Variants in LOC400499 observed in about 807,000 individuals in gnomAD.
the LOC400499 span, chr16:11,472,124 C>A: frequency 1.4e-5 from 4 of 280,624 alleles, 1 homozygote; most frequent in South Asian, 1.7e-4. Context: ...CCAAATATTT[C>A]TGCACATATT....
chr16:11,479,344 T>G, the LOC400499 span, among the ~76,000 whole-genome samples: 3 of 152,092 alleles, frequency 2.0e-5, no homozygotes, highest in Non-Finnish European at 1.5e-5. Context: ...CTTGGAAAGG[T>G]AGCTCATGCC....
At chr16:11,509,554 G>C in the LOC400499 span, among the ~76,000 whole-genome samples, 1 of 151,794 alleles carries the variant, frequency 6.6e-6, no homozygotes, top group Non-Finnish European at 1.5e-5. Flanking sequence ...CTCTGTGCCT[G>C]GCACAGAGGC....
At chr16:11,467,730 G>A in the LOC400499 span, among the ~76,000 whole-genome samples, 2 of 152,180 alleles carry the variant, frequency 1.3e-5, no homozygotes, top group Non-Finnish European at 2.9e-5. Flanking sequence ...TCACCTGATA[G>A]ACAAAATAAA....
chr16:11,470,711 G>C, the LOC400499 span: 1 of 152,450 alleles, frequency 6.6e-6, no homozygotes, highest in Non-Finnish European at 1.5e-5. Context: ...AGGAACACCA[G>C]ACACGAGAAC....
the LOC400499 span, among the ~76,000 whole-genome samples, chr16:11,383,215 G>A: frequency 9.5e-4 from 144 of 152,050 alleles, no homozygotes; most frequent in African/African-American, 3.4e-3. Flanking sequence ...ACAGGCGCCC[G>A]CAACCATGCC....
chr16:11,470,457 C>G, the LOC400499 span, among the ~76,000 whole-genome samples: 2 of 152,174 alleles, frequency 1.3e-5, no homozygotes, highest in Admixed American at 6.5e-5. Flanking sequence ...TCGGCCTTTC[C>G]TAATTTCTCC....
the LOC400499 span, chr16:11,449,054 G>C: frequency 4.7e-6 from 7 of 1,486,816 alleles, no homozygotes; most frequent in Non-Finnish European, 6.3e-6. Flanking sequence ...AGGCTGACTC[G>C]AGTTCGCTCC....
the LOC400499 span, chr16:11,384,232 A>AGCTCCTCCAGGCTGC: frequency 8.1e-7 from 1 of 1,232,170 alleles, no homozygotes; most frequent in Non-Finnish European, 1.0e-6. Context: ...GGCCAGGCTG[A>AGCTCCTCCAGGCTGC]GCTCCTCCAG....
At chr16:11,460,402 G>C in the LOC400499 span, 1 of 1,438,104 alleles carries the variant, frequency 7.0e-7, no homozygotes. Flanking sequence ...TTGGGGATGA[G>C]TTCAGGGTAC....
At chr16:11,415,960 G>GTTT in the LOC400499 span, among the ~76,000 whole-genome samples, 24 of 146,282 alleles carry the variant, frequency 1.6e-4, no homozygotes, top group Non-Finnish European at 2.4e-4. Flanking sequence ...TTGTTGTTTT[G>GTTT]TTTTTTTTTT....
chr16:11,513,895 A>T, the LOC400499 span, among the ~76,000 whole-genome samples: 2 of 152,284 alleles, frequency 1.3e-5, no homozygotes, highest in East Asian at 3.9e-4. Context: ...ATTATTCAGG[A>T]AGACAACTGG....
chr16:11,387,035 C>T, the LOC400499 span: 17 of 1,139,382 alleles, frequency 1.5e-5, no homozygotes, highest in Non-Finnish European at 1.9e-5. Flanking sequence ...TGCTACTAGC[C>T]TATGGAGGCT....
chr16:11,447,693 C>T, the LOC400499 span, among the ~76,000 whole-genome samples: 5 of 152,052 alleles, frequency 3.3e-5, no homozygotes, highest in Non-Finnish European at 7.3e-5. Flanking sequence ...CAAGCAGCTC[C>T]AGGCTAGGAT....
chr16:11,446,566 G>C, the LOC400499 span: 5 of 1,535,974 alleles, frequency 3.3e-6, no homozygotes, highest in Middle Eastern at 1.7e-4. Context: ...CTGATTCCAA[G>C]TAACCAGGCA....
At chr16:11,379,099 A>G in the LOC400499 span, among the ~76,000 whole-genome samples, 3 of 152,154 alleles carry the variant, frequency 2.0e-5, no homozygotes, top group Non-Finnish European at 4.4e-5. Context: ...CCCTGTCTCT[A>G]CTGAAAATAG....
At chr16:11,494,892 GCT>G in the LOC400499 span, 1 of 397,438 alleles carries the variant, frequency 2.5e-6, no homozygotes, top group Non-Finnish European at 4.4e-6. Context: ...TGAACAAATT[GCT>G]CTTTTCAGGG....
At chr16:11,431,029 C>A in the LOC400499 span, 1 of 399,100 alleles carries the variant, frequency 2.5e-6, no homozygotes. Flanking sequence ...GTTCCCCAGG[C>A]CCTCACCCTC....
the LOC400499 span, among the ~76,000 whole-genome samples, chr16:11,405,986 A>T: frequency 3.1e-3 from 470 of 152,146 alleles, 1 homozygote; most frequent in Non-Finnish European, 4.5e-3. Flanking sequence ...GGCCCTTTGC[A>T]TGTCTTGTTC....
the LOC400499 span, chr16:11,417,890 C>G: frequency 7.5e-6 from 3 of 398,466 alleles, no homozygotes; most frequent in Non-Finnish European, 1.3e-5. Flanking sequence ...AGAGAGCCAG[C>G]CTGGGTCAAG....
Sources: gnomAD v4.1 joint callset for allele counts (sites outside exome capture counted in the v4.1 genomes callset) on GRCh38, gnomAD v4.1.1 for gene constraint, MANE v1.5 for transcripts.